The following RBPJ variants were observed in gnomAD, a reference collection of about 807,000 sequenced individuals.
RBPJ encodes the protein recombining binding protein suppressor of hairless.
A neutral mutation model predicts 67.8 loss-of-function variants in RBPJ; 9 were observed. The ratio of observed to expected loss-of-function variants is 0.13; its 90% confidence interval spans 0.08 to 0.23. RBPJ has a LOEUF of 0.23. Ranked by LOEUF, RBPJ falls within the 10% of genes least tolerant of loss-of-function variation. The probability of loss-of-function intolerance (pLI) is 1.00; values close to 1 mark genes in which losing one functional copy is unlikely to be tolerated. For missense variants in RBPJ, 305 were observed against 595.6 expected (o/e 0.51, Z 5.08); for synonymous variants, 198 against 203.3 (o/e 0.97, Z 0.22).
the RBPJ span, among the ~76,000 whole-genome samples, chr4:26,141,456 G>A: frequency 6.6e-4 from 101 of 152,290 alleles, no homozygotes; most frequent in African/African-American, 2.3e-3. Flanking sequence ...AGCCAGGCCC[G>A]GAACGCCCAG....
chr4:26,405,593 T>C (rs1482069815), intron 2 of RBPJ, among the ~76,000 whole-genome samples: 1 of 152,194 alleles, frequency 6.6e-6, no homozygotes, highest in Non-Finnish European at 1.5e-5. Context: ...ATTACTTTAT[T>C]AAATTTTATT....
the RBPJ span, among the ~76,000 whole-genome samples, chr4:26,126,272 A>G: frequency 6.6e-6 from 1 of 152,240 alleles, no homozygotes; most frequent in Non-Finnish European, 1.5e-5. Flanking sequence ...TAGCCTAGGA[A>G]GGAGACAGAC....
At chr4:26,215,228 A>AGGGGGT (rs1271792041) in intron 1 of RBPJ, among the ~76,000 whole-genome samples, 1 of 14,192 alleles carries the variant, frequency 7.0e-5, no homozygotes. Flanking sequence ...AAAAGAGAGA[A>AGGGGGT]AAGAGAGAAA....
intron 1 of RBPJ, among the ~76,000 whole-genome samples, chr4:26,186,647 A>G (rs1436150448): frequency 6.6e-6 from 1 of 152,120 alleles, no homozygotes; most frequent in African/African-American, 2.4e-5. Flanking sequence ...GCTTTCACAG[A>G]CCTGCTGAGG....
chr4:26,424,428 G>C lies in RBPJ; in HGVS notation c.583G>C (p.Gly195Arg). The C allele has an allele frequency of 6.2e-7, 1 of 1,613,956 alleles. No individual in the cohort carries two copies. Among genetic ancestry groups the C allele is most frequent in the Non-Finnish European group, 8.5e-7 (1 of 1,179,876 alleles). The part of the protein sequence containing the change: ...VSTRYLHVEG[G>R]NFHASSQQWG... ...TACCAGATACTTGCATGTAGAAGGA[G>C]GTAATTTTCATGCCAGTTCACAGCA... The change falls in exon 6 of 11, where the codon GGT becomes CGT. Residue 195 changes from glycine to arginine, a missense_variant. By Grantham distance (125) the Gly-to-Arg change is moderately radical (BLOSUM62 -2). Coordinates refer to ENST00000355476, the MANE Select transcript of RBPJ (RefSeq NM_015874.6). The surrounding 1 kb of genome is among the most constrained non-coding windows in gnomAD (Gnocchi z 5.3).
chr4:26,269,645 G>A (rs906528987), intron 1 of RBPJ, among the ~76,000 whole-genome samples: 2 of 152,122 alleles, frequency 1.3e-5, no homozygotes, highest in African/African-American at 2.4e-5. Context: ...CCTGCTCAAA[G>A]ACAGGGACTC....
At chr4:26,113,891 T>C in the RBPJ span, 1,062 of 158,206 alleles carry the variant, frequency 6.7e-3, 12 homozygotes, top group African/African-American at 0.023. Flanking sequence ...TTTTAAAAAT[T>C]AGAGAAAGCA....
At chr4:26,356,055 T>C (rs1005463055) in intron 1 of RBPJ, among the ~76,000 whole-genome samples, 4 of 152,230 alleles carry the variant, frequency 2.6e-5, no homozygotes, top group Non-Finnish European at 5.9e-5. Flanking sequence ...AGGATGTGGT[T>C]CTTGTTAGAG....
chr4:26,251,847 CAAAAAAA>C (rs769291407), intron 1 of RBPJ, among the ~76,000 whole-genome samples: 4 of 49,466 alleles, frequency 8.1e-5, no homozygotes, highest in Admixed American at 2.7e-4. Flanking sequence ...GACTCCGTCT[CAAAAAAA>C]AAAAAAAAAA....
chr4:26,140,812 A>G, the RBPJ span, among the ~76,000 whole-genome samples: 3 of 139,432 alleles, frequency 2.2e-5, no homozygotes, highest in Non-Finnish European at 4.6e-5. Context: ...CCCGAGCCCA[A>G]TCTGGGACAC....
chr4:26,314,627 T>C (rs1474339669), intron 1 of RBPJ, among the ~76,000 whole-genome samples: 1 of 152,112 alleles, frequency 6.6e-6, no homozygotes, highest in African/African-American at 2.4e-5. Context: ...GCTGCTCCCA[T>C]CTAAGTCGCC....
chr4:26,181,160 GT>G lies in RBPJ; in HGVS notation c.-167+17548del, dbSNP rs1716974280. ...TCTCAGGTATGTCTTTATTAGCAGC[GT>G]TGGGAACAGACTAATACCGTGTGTT... On this transcript the variant is annotated intron_variant, in intron 1 of 4. Transcript: ENST00000512351. Among the ~76,000 whole-genome samples the G allele has an allele frequency of 2.0e-5, 3 of 152,110 alleles. No individual in the cohort carries two copies. In the South Asian group the frequency reaches 6.2e-4, roughly 31 times the overall value.
intron 4 of RBPJ, among the ~76,000 whole-genome samples, chr4:26,419,471 A>T (rs1000118736): frequency 1.3e-5 from 2 of 152,226 alleles, no homozygotes; most frequent in African/African-American, 2.4e-5. Context: ...TTTGTCTGCT[A>T]CCGAGGCTGT....
intron 1 of RBPJ, among the ~76,000 whole-genome samples, chr4:26,204,593 T>A (rs1033625692): frequency 6.6e-6 from 1 of 152,018 alleles, no homozygotes; most frequent in African/African-American, 2.4e-5. Flanking sequence ...GGGTAGCACA[T>A]TGAGATGAGA....
the RBPJ span, among the ~76,000 whole-genome samples, chr4:26,141,807 C>A: frequency 1.1e-4 from 17 of 152,192 alleles, no homozygotes; most frequent in African/African-American, 3.9e-4. Flanking sequence ...TCTCCTCCCC[C>A]TTTCCCTTCC....
chr4:26,270,900 C>A (rs1283458425), intron 1 of RBPJ, among the ~76,000 whole-genome samples: 2 of 151,960 alleles, frequency 1.3e-5, no homozygotes, highest in African/African-American at 4.8e-5. Context: ...GTTTTGCTTT[C>A]CTCTGTCTCA....
At chr4:26,282,832 A>G (rs1257581397) in intron 1 of RBPJ, among the ~76,000 whole-genome samples, 3 of 149,684 alleles carry the variant, frequency 2.0e-5, no homozygotes, top group East Asian at 2.0e-4. Context: ...AGCTTCATGT[A>G]TTTCATAATA....
At chr4:26,150,286 T>C in the RBPJ span, among the ~76,000 whole-genome samples, 18 of 152,282 alleles carry the variant, frequency 1.2e-4, no homozygotes, top group South Asian at 1.5e-3. Context: ...ATCAGATGCA[T>C]CCTACAGATG....
chr4:26,341,762 A>G (rs1040858829), intron 1 of RBPJ, among the ~76,000 whole-genome samples: 9 of 152,322 alleles, frequency 5.9e-5, no homozygotes, highest in African/African-American at 1.9e-4. Context: ...GAAATTGGAG[A>G]CAGAAAGAAC....
Sources: allele counts gnomAD v4.1 joint callset (sites outside exome capture counted in the v4.1 genomes callset), GRCh38; gene constraint gnomAD v4.1.1; non-coding constraint Gnocchi (gnomAD v3.1); transcripts MANE v1.5; gene names NCBI Gene and HGNC (gene_info 2026-07-23, HGNC 2026-07-21).